Variants in PRKN observed in about 807,000 individuals in gnomAD.
PRKN encodes the protein E3 ubiquitin-protein ligase parkin.
Under a neutral mutation model 59.5 loss-of-function variants are expected in PRKN, and 56 were observed. The ratio of observed to expected loss-of-function variants is 0.94; its 90% CI spans 0.76 to 1.18. The LOEUF is 1.18. Among genes scored for constraint, PRKN ranks in the 50% most tolerant of loss-of-function variants. The pLI is 0.00. For synonymous variants in PRKN, 250 were observed against 222.1 expected, an observed-to-expected ratio of 1.13 and a Z score of -1.12; for missense variants, 657 against 596.4, an observed-to-expected ratio of 1.10 and a Z score of -1.06.
chr6:161,660,100 A>T (rs764158834), intron 7 of PRKN, among the ~76,000 whole-genome samples: 12 of 152,220 alleles, frequency 7.9e-5, no homozygotes, highest in Admixed American at 5.2e-4. Flanking sequence ...AACTATTACT[A>T]TAATGATTAG....
intron 7 of PRKN, among the ~76,000 whole-genome samples, chr6:161,603,556 T>C (rs2128144051): frequency 6.6e-6 from 1 of 152,350 alleles, no homozygotes; most frequent in Admixed American, 6.5e-5. Flanking sequence ...GTTTATCTTT[T>C]AACACTTCTA....
At chr6:161,966,421 A>G (rs909207208) in intron 6 of PRKN, among the ~76,000 whole-genome samples, 1 of 152,214 alleles carries the variant, frequency 6.6e-6, no homozygotes, top group African/African-American at 2.4e-5. Context: ...AGACACTGAC[A>G]GAGGGTGAGC....
chr6:162,007,415 C>T (rs969359352), intron 5 of PRKN, among the ~76,000 whole-genome samples: 4 of 152,048 alleles, frequency 2.6e-5, no homozygotes, highest in Admixed American at 1.3e-4. Context: ...AAAACTTCAC[C>T]GTCCCAGAGT....
At position 161,371,973 on chromosome 6, in the gene PRKN, G is replaced by T. The variant is rs1320832178; in HGVS notation, c.1168-11768C>A. Among the ~76,000 whole-genome samples, 2 of 152,176 alleles carry T rather than the reference G, an allele frequency of 1.3e-5. No homozygotes were observed. The highest frequency in any genetic ancestry group is 4.1e-4 in the South Asian group (2 of 4,828). ...ATTTTTGACAATGATTCTAACAGTG[G>T]TGATTTCTGCTAGGAGTGGAATGTG... On this transcript the variant is annotated intron_variant, in intron 10 of 11. Coordinates refer to ENST00000366898, the MANE Select transcript of PRKN (RefSeq NM_004562.3). The surrounding 1 kb of genome is among the most constrained non-coding windows in gnomAD (Gnocchi z 5.5).
intron 5 of PRKN, among the ~76,000 whole-genome samples, chr6:161,979,852 A>C (rs1379124444): frequency 6.6e-6 from 1 of 152,188 alleles, no homozygotes. Flanking sequence ...ACTCCTGCTC[A>C]CTTATGTCCC....
intron 2 of PRKN, among the ~76,000 whole-genome samples, chr6:162,312,913 T>G (rs1427160403): frequency 6.6e-6 from 1 of 152,094 alleles, no homozygotes; most frequent in African/African-American, 2.4e-5. Flanking sequence ...CTACATTATC[T>G]TTAAAAGAAA....
intron 2 of PRKN, among the ~76,000 whole-genome samples, chr6:162,420,334 A>G (rs1474372783): frequency 2.0e-5 from 3 of 152,192 alleles, no homozygotes; most frequent in African/African-American, 7.2e-5. Flanking sequence ...TTTTAGGCAC[A>G]AATTTAATCA....
At chr6:162,591,892 GAAA>G (rs57079805) in intron 1 of PRKN, among the ~76,000 whole-genome samples, 1 of 127,042 alleles carries the variant, frequency 7.9e-6, no homozygotes. Flanking sequence ...TGAACTGCTA[GAAA>G]AAAAAAAAAA....
intron 1 of PRKN, among the ~76,000 whole-genome samples, chr6:162,579,480 ACT>A (rs534349484): frequency 4.0e-5 from 6 of 151,414 alleles, no homozygotes; most frequent in Non-Finnish European, 8.8e-5. Flanking sequence ...ACATATCCAG[ACT>A]CACACAGATT....
rs928513721 is a variant in PRKN, at chr6:161,503,531, A to T, written c.1083+45323T>A. ...ACTTAATGGCTGCAACGGCCCCAGG[A>T]GGTAGATACTTATTAATTACCCTCA... On this transcript the variant is annotated intron_variant, in intron 9 of 11. Transcript: ENST00000366898. This position sits in a 1 kb window ranked among gnomAD's most constrained non-coding sequence, Gnocchi z 5.1. Among the ~76,000 whole-genome samples the T allele has an allele frequency of 6.6e-6, 1 of 152,144 alleles. No homozygotes were observed. Among genetic ancestry groups the T allele is most frequent in the Non-Finnish European group, 1.5e-5 (1 of 68,038 alleles).
rs565194314 is a variant in PRKN, at chr6:162,025,751, AT to A, written c.618+28339del. Among the ~76,000 whole-genome samples the A allele has an allele frequency of 4.0e-5, 6 of 150,628 alleles. No homozygotes were observed. The East Asian group carries it at 9.8e-4, about 25-fold the overall frequency. On this transcript the variant is annotated intron_variant, in intron 5 of 11. Coordinates refer to ENST00000366898, the MANE Select transcript of PRKN (RefSeq NM_004562.3). ...CCACAGGCATGTCCACACCTGGCTAATTTTTTTTCATATTTTTAGTAGAGAT... is the reference window on the plus strand; with the variant it reads ...CCACAGGCATGTCCACACCTGGCTAATTTTTTTCATATTTTTAGTAGAGAT...
chr6:162,564,388 G>A (rs1306576613), intron 1 of PRKN, among the ~76,000 whole-genome samples: 1 of 151,850 alleles, frequency 6.6e-6, no homozygotes, highest in African/African-American at 2.4e-5. Context: ...TTGGCCTATT[G>A]GCCTTAAAGA....
Position 161,947,332 on chromosome 6 carries a change from T to C in PRKN, c.734+25970A>G, listed in dbSNP as rs73783656. 7.0e-3 allele frequency among the ~76,000 whole-genome samples: 1,062 copies of C among 152,254 alleles called. 15 individuals carry two copies. The highest frequency in any genetic ancestry group is 0.025 in the African/African-American group (1,033 of 41,550). Reference sequence around the variant, plus strand: ...AAGTAGCAGAAGTTCAAAACTGTGGTGTTTAATTTGGGGGCCTGTTCTGAT... The same window carrying C: ...AAGTAGCAGAAGTTCAAAACTGTGGCGTTTAATTTGGGGGCCTGTTCTGAT... On this transcript the variant is annotated intron_variant, in intron 6 of 11. Transcript: ENST00000366898.
chr6:161,840,828 G>A (rs996984076), intron 6 of PRKN, among the ~76,000 whole-genome samples: 1 of 151,878 alleles, frequency 6.6e-6, no homozygotes, highest in African/African-American at 2.4e-5. Flanking sequence ...TGGTATATAC[G>A]TACCACATTT....
At position 161,475,721 on chromosome 6, in the gene PRKN, C is replaced by G. The variant is rs116831969; in HGVS notation, c.1083+73133G>C. Among the ~76,000 whole-genome samples the G allele has an allele frequency of 0.01, 1,584 of 152,034 alleles. 22 individuals carry two copies. Among genetic ancestry groups the G allele is most frequent in the African/African-American group, 0.037 (1,525 of 41,478 alleles). On this transcript the variant is annotated intron_variant, in intron 9 of 11. Transcript: ENST00000366898. This position sits in a 1 kb window ranked among gnomAD's most constrained non-coding sequence, Gnocchi z 5.3. ...AACTCCTGAGCTCAAGGAATCTGCTCGCCTCGGTCTCCCAAAGTGCTGGGA... is the reference window on the plus strand; with the variant it reads ...AACTCCTGAGCTCAAGGAATCTGCTGGCCTCGGTCTCCCAAAGTGCTGGGA...
intron 1 of PRKN, among the ~76,000 whole-genome samples, chr6:162,540,342 G>A (rs981718999): frequency 6.6e-6 from 1 of 152,018 alleles, no homozygotes; most frequent in African/African-American, 2.4e-5. Context: ...CAATTCTCCT[G>A]CCTCAGCCTC....
chr6:161,969,863 A>C (rs1464077528), intron 6 of PRKN, among the ~76,000 whole-genome samples: 1 of 151,918 alleles, frequency 6.6e-6, no homozygotes, highest in Non-Finnish European at 1.5e-5. Flanking sequence ...TGCCCAATAA[A>C]TTCCATTTTT....
At chr6:162,149,268 A>T (rs1782159235) in intron 4 of PRKN, among the ~76,000 whole-genome samples, 1 of 152,074 alleles carries the variant, frequency 6.6e-6, no homozygotes, top group Admixed American at 6.6e-5. Flanking sequence ...TTTTTAAGAC[A>T]GGGTCTCACT....
At chr6:162,467,189 C>G (rs369327512) in intron 1 of PRKN, among the ~76,000 whole-genome samples, 17 of 152,282 alleles carry the variant, frequency 1.1e-4, no homozygotes, top group South Asian at 8.3e-4. Flanking sequence ...TTCCCTTCTT[C>G]CTTTTTCTCC....
Sources: gnomAD v4.1 joint callset for allele counts (sites outside exome capture counted in the v4.1 genomes callset) on GRCh38, gnomAD v4.1.1 for gene constraint, Gnocchi (gnomAD v3.1) non-coding constraint, MANE v1.5 for transcripts, NCBI Gene and HGNC (gene_info 2026-07-23, HGNC 2026-07-21) for gene names.